The following CLSTN2 variants were observed in gnomAD, a reference collection of about 807,000 sequenced individuals.
CLSTN2 encodes calsyntenin-2.
In CLSTN2, 48 loss-of-function variants were observed where a neutral mutation model predicts 101.2. The observed-to-expected ratio is 0.47, with a 90% CI of 0.38 to 0.60. The LOEUF is 0.60. Among genes scored for constraint, CLSTN2 ranks in the 20% least tolerant of loss-of-function variants. The pLI, the probability that CLSTN2 is intolerant of heterozygous loss-of-function variation, is 0.00. For synonymous variants in CLSTN2, 481 were observed against 463.6 expected (o/e 1.04, Z -0.48); for missense variants, 1,160 against 1,238.2 (o/e 0.94, Z 0.95).
intron 1 of CLSTN2, among the ~76,000 whole-genome samples, chr3:139,988,524 G>A (rs983302413): frequency 6.6e-6 from 1 of 152,166 alleles, no homozygotes; most frequent in Non-Finnish European, 1.5e-5. Context: ...TGACATAAAA[G>A]GAGGAATAAG....
At chr3:140,172,265 T>C (rs1240753243) in intron 1 of CLSTN2, among the ~76,000 whole-genome samples, 1 of 152,048 alleles carries the variant, frequency 6.6e-6, no homozygotes, top group Non-Finnish European at 1.5e-5. Flanking sequence ...ACCAAGTAGC[T>C]CACAGTTAAG....
At chr3:140,371,338 A>T (rs1030990145) in intron 2 of CLSTN2, among the ~76,000 whole-genome samples, 2 of 141,610 alleles carry the variant, frequency 1.4e-5, no homozygotes, top group African/African-American at 5.0e-5. Flanking sequence ...TCTGCAGAAG[A>T]TGGGAAAACC....
chr3:140,456,114 G>A (rs1933391977), intron 6 of CLSTN2, among the ~76,000 whole-genome samples: 1 of 152,228 alleles, frequency 6.6e-6, no homozygotes, highest in South Asian at 2.1e-4. Context: ...AACACTAACT[G>A]GGTATCTGAG....
chr3:140,305,118 C>T (rs2087100410), intron 2 of CLSTN2, among the ~76,000 whole-genome samples: 1 of 151,654 alleles, frequency 6.6e-6, no homozygotes, highest in African/African-American at 2.4e-5. Flanking sequence ...CTCTCTCTTC[C>T]TCCTGTTCCC....
At chr3:140,089,112 G>C (rs1364095250) in intron 1 of CLSTN2, among the ~76,000 whole-genome samples, 3 of 152,186 alleles carry the variant, frequency 2.0e-5, no homozygotes, top group Non-Finnish European at 1.5e-5. Flanking sequence ...TGCTAGCTTA[G>C]AGGCTGCTCA....
At position 140,129,345 on chromosome 3, in the gene CLSTN2, C is replaced by T. The variant is rs772702440; in HGVS notation, c.110-46606C>T. Among the ~76,000 whole-genome samples, 11 of 152,070 alleles carry T rather than the reference C, an allele frequency of 7.2e-5. 1 individual carries two copies. The highest frequency in any genetic ancestry group is 1.9e-4 in the East Asian group (1 of 5,188). ...CAGTAGCTTCTATTGTCCACATAGCCGCAGAAAAATTACTAGCAAGGACTC... is the reference window on the plus strand; with the variant it reads ...CAGTAGCTTCTATTGTCCACATAGCTGCAGAAAAATTACTAGCAAGGACTC... On this transcript the variant is annotated intron_variant, in intron 1 of 16. Coordinates refer to ENST00000458420, the MANE Select transcript of CLSTN2 (RefSeq NM_022131.3).
At chr3:140,184,780 C>A (rs2010463366) in intron 2 of CLSTN2, among the ~76,000 whole-genome samples, 1 of 152,128 alleles carries the variant, frequency 6.6e-6, no homozygotes, top group Non-Finnish European at 1.5e-5. Context: ...TAGAGACCCC[C>A]AAAATGTATC....
intron 1 of CLSTN2, among the ~76,000 whole-genome samples, chr3:140,080,444 C>A (rs1202555128): frequency 1.3e-5 from 2 of 152,198 alleles, no homozygotes; most frequent in Non-Finnish European, 2.9e-5. Flanking sequence ...AGGTGTCCAG[C>A]TCCTAGACCT....
intron 1 of CLSTN2, among the ~76,000 whole-genome samples, chr3:140,165,492 C>T (rs1007455771): frequency 6.6e-6 from 1 of 152,124 alleles, no homozygotes; most frequent in African/African-American, 2.4e-5. Flanking sequence ...AATGGCGACA[C>T]AGTAGACCTG....
chr3:140,006,326 A>G (rs2006953668), intron 1 of CLSTN2, among the ~76,000 whole-genome samples: 1 of 152,244 alleles, frequency 6.6e-6, no homozygotes, highest in South Asian at 2.1e-4. Flanking sequence ...TTCCTCCCAC[A>G]AATCTAAAAT....
intron 1 of CLSTN2, among the ~76,000 whole-genome samples, chr3:140,132,285 A>C (rs1205243715): frequency 6.6e-6 from 1 of 152,208 alleles, no homozygotes; most frequent in Non-Finnish European, 1.5e-5. Context: ...GTGTGTTTGA[A>C]GGTGAATAAT....
At chr3:140,162,408 G>T (rs921848890) in intron 1 of CLSTN2, among the ~76,000 whole-genome samples, 2 of 152,140 alleles carry the variant, frequency 1.3e-5, no homozygotes, top group African/African-American at 4.8e-5. Context: ...CAAGGAGAGG[G>T]ACTTAATTTA....
intron 2 of CLSTN2, among the ~76,000 whole-genome samples, chr3:140,353,212 A>C (rs2087629847): frequency 6.9e-6 from 1 of 145,908 alleles, no homozygotes; most frequent in Non-Finnish European, 1.5e-5. Flanking sequence ...GAGGGACACA[A>C]CTAATGGAAT....
chr3:140,041,515 TG>T (rs961941002), intron 1 of CLSTN2, among the ~76,000 whole-genome samples: 6 of 152,068 alleles, frequency 3.9e-5, no homozygotes, highest in African/African-American at 1.2e-4. Context: ...GGGTAGGTGG[TG>T]GAGGAGGAGA....
rs576296994 is a variant in CLSTN2 at position 140,243,993 on chromosome 3, G to T, written c.232+67920G>T. Among the ~76,000 whole-genome samples, 4 of 152,302 alleles carry T rather than the reference G, an allele frequency of 2.6e-5. No homozygotes were observed. The South Asian group carries it at 8.3e-4, about 32-fold the overall frequency. On this transcript the variant is annotated intron_variant, in intron 2 of 16. Coordinates refer to ENST00000458420, the MANE Select transcript of CLSTN2 (RefSeq NM_022131.3). ...CAAGACCTATAGCCACACATCTTCT[G>T]CCCATTCCATGGTCCCTCTCCTGTC... is the stretch of plus-strand genomic sequence containing the variant.
intron 8 of CLSTN2, among the ~76,000 whole-genome samples, chr3:140,522,251 T>C (rs1314240618): frequency 2.0e-5 from 3 of 152,224 alleles, no homozygotes; most frequent in Non-Finnish European, 4.4e-5. Context: ...GATATTTCAG[T>C]TGAAGGTGCT....
At chr3:140,019,178 T>C (rs1457438465) in intron 1 of CLSTN2, among the ~76,000 whole-genome samples, 1 of 152,246 alleles carries the variant, frequency 6.6e-6, no homozygotes, top group African/African-American at 2.4e-5. Flanking sequence ...GTTAATTTTA[T>C]GTGTCCTCTT....
chr3:139,939,568 T>A (rs1935091631), intron 1 of CLSTN2, among the ~76,000 whole-genome samples: 1 of 152,136 alleles, frequency 6.6e-6, no homozygotes, highest in Non-Finnish European at 1.5e-5. Context: ...CTAAGGCTGT[T>A]TAAAAGGGCA....
In CLSTN2 at chr3:140,044,511, T is replaced by C. The variant is rs2007828377; in HGVS notation, c.109+109028T>C. On this transcript the variant is annotated intron_variant, in intron 1 of 16. Transcript: ENST00000458420. ...TTGACTTCCTCTTTTCCTAATTGAA[T>C]ACCCTTTATTTCTTTCTCCTGCCTG... 2.0e-5 allele frequency among the ~76,000 whole-genome samples: 3 copies of C among 152,222 alleles called. No homozygotes were observed. In the South Asian group the frequency reaches 6.2e-4, roughly 31 times the overall value.
Sources: allele counts gnomAD v4.1 joint callset (sites outside exome capture counted in the v4.1 genomes callset), GRCh38; gene constraint gnomAD v4.1.1; transcripts MANE v1.5; gene names NCBI Gene and HGNC (gene_info 2026-07-23, HGNC 2026-07-21).